Variants in MTREX observed in about 807,000 individuals in gnomAD.
The protein encoded by MTREX is Mtr4 exosome RNA helicase, also known as exosome RNA helicase MTR4.
Under a neutral mutation model 135.4 loss-of-function variants are expected in MTREX, and 76 were observed. The ratio of observed to expected loss-of-function variants is 0.56; its 90% CI spans 0.47 to 0.68. MTREX has a LOEUF of 0.68. MTREX is among the 30% of genes least tolerant of loss of function. MTREX has a pLI of 0.00. For missense variants in MTREX, 920 were observed against 1,262.1 expected (o/e 0.73, Z 4.11); for synonymous variants, 404 against 401.6 (o/e 1.01, Z -0.07).
intron 14 of MTREX, among the ~76,000 whole-genome samples, chr5:55,358,005 T>C: frequency 6.6e-6 from 1 of 152,258 alleles, no homozygotes; most frequent in East Asian, 1.9e-4. Flanking sequence ...CAAGTCAGAA[T>C]TGATACTTGG....
chr5:55,358,093 T>G (rs1749950267), intron 14 of MTREX, among the ~76,000 whole-genome samples: 1 of 152,164 alleles, frequency 6.6e-6, no homozygotes, highest in Non-Finnish European at 1.5e-5. Flanking sequence ...TCCCAGCACT[T>G]TGGGAGGCTG....
chr5:55,375,128 G>A (rs919925621), intron 16 of MTREX, among the ~76,000 whole-genome samples: 5 of 152,210 alleles, frequency 3.3e-5, no homozygotes, highest in Non-Finnish European at 7.3e-5. Flanking sequence ...GAGGCAGGGC[G>A]AGATCACAGG....
At position 55,322,443 on chromosome 5, in the gene MTREX, A is replaced by C; in HGVS notation, c.251A>C (p.Glu84Ala). ...PIFGKKPRIEESITEDLSLAD... is the reference protein window; with the variant it reads ...PIFGKKPRIEASITEDLSLAD... ...TTTGGAAAGAAGCCCAGGATAGAAG[A>C]GTCAATAACTGAAGACTTAAGGTAA... Residue 84 changes from glutamate (E) to alanine (A), a missense_variant, in exon 2 of 27, where the codon GAG becomes GCG. Glu to Ala is a moderately radical substitution (Grantham distance 107, BLOSUM62 -1). Around this residue, in one of 6 missense-constraint regions of MTREX, gnomAD observed 136 missense variants for 126.7 expected, o/e 1.07. Coordinates refer to ENST00000230640, the MANE Select transcript of MTREX (RefSeq NM_015360.5). The C allele has an allele frequency of 1.9e-6, 3 of 1,595,494 alleles. No individual in the cohort carries two copies. The highest frequency in any genetic ancestry group is 2.6e-6 in the Non-Finnish European group (3 of 1,172,690).
Position 55,397,542 on chromosome 5 carries a change from A to G in MTREX, c.2292+16A>G, listed in dbSNP as rs1554034393. The G allele has an allele frequency of 2.0e-6, 3 of 1,484,308 alleles. No individual in the cohort carries two copies. The highest frequency in any genetic ancestry group is 2.8e-6 in the Non-Finnish European group (3 of 1,073,886). 91.9% of individuals were successfully genotyped at this position (1,484,308 alleles called of 1,614,324 possible). On this transcript the variant is annotated intron_variant, in intron 20 of 26. Transcript: ENST00000230640. ...ATCAATACAGGTATGTGTTAATTTC[A>G]TAAGTTAAGTATAAATTTTATGTAA...
chr5:55,412,289 A>G (rs1252618490), intron 23 of MTREX, among the ~76,000 whole-genome samples: 1 of 152,340 alleles, frequency 6.6e-6, no homozygotes, highest in Non-Finnish European at 1.5e-5. Context: ...TTTGCTTGAT[A>G]TAATAACTTC....
At position 55,399,635 on chromosome 5, in the gene MTREX, C is replaced by T. The variant is rs953475618; in HGVS notation, c.2293-598C>T. 3.3e-5 allele frequency among the ~76,000 whole-genome samples: 5 copies of T among 152,026 alleles called. 1 individual carries two copies. The highest frequency in any genetic ancestry group is 2.6e-4 in the Admixed American group (4 of 15,266). ...CCCTAGTAGCTGGGACTACAGGCGCCCACCACCACGCCTGGCTAATTTTTT... is the reference window on the plus strand; with the variant it reads ...CCCTAGTAGCTGGGACTACAGGCGCTCACCACCACGCCTGGCTAATTTTTT... On this transcript the variant is annotated intron_variant, in intron 20 of 26. Coordinates refer to ENST00000230640, the MANE Select transcript of MTREX (RefSeq NM_015360.5).
intron 19 of MTREX, among the ~76,000 whole-genome samples, chr5:55,391,506 A>G (rs1750566937): frequency 1.3e-5 from 2 of 152,186 alleles, no homozygotes; most frequent in South Asian, 2.1e-4. Context: ...TTTATTCCCT[A>G]TAAAAACTAA....
intron 19 of MTREX, among the ~76,000 whole-genome samples, chr5:55,390,670 G>C (rs906447026): frequency 1.1e-4 from 16 of 152,280 alleles, no homozygotes; most frequent in African/African-American, 3.6e-4. Context: ...CTCAGCGTCA[G>C]GGAGTGAAGA....
At chr5:55,415,101 A>C (rs1239743915) in intron 24 of MTREX, among the ~76,000 whole-genome samples, 1 of 152,182 alleles carries the variant, frequency 6.6e-6, no homozygotes, top group Non-Finnish European at 1.5e-5. Context: ...AGACAAGGAA[A>C]GATGAGCTAA....
intron 25 of MTREX, among the ~76,000 whole-genome samples, chr5:55,419,388 T>C (rs1441795971): frequency 6.6e-6 from 1 of 152,244 alleles, no homozygotes; most frequent in Non-Finnish European, 1.5e-5. Flanking sequence ...TGAGGCTAGT[T>C]AACACTGTAA....
chr5:55,414,558 T>C (rs556593860), intron 24 of MTREX, among the ~76,000 whole-genome samples: 1 of 152,348 alleles, frequency 6.6e-6, no homozygotes, highest in South Asian at 2.1e-4. Context: ...TCTTCCTCAG[T>C]ACTGATAATG....
chr5:55,422,651 A>G (rs1214010476), intron 25 of MTREX, among the ~76,000 whole-genome samples: 1 of 152,138 alleles, frequency 6.6e-6, no homozygotes, highest in African/African-American at 2.4e-5. Context: ...CTTAATACCA[A>G]GTGTCAGCAT....
chr5:55,339,843 C>T (rs1251727332), intron 5 of MTREX, among the ~76,000 whole-genome samples, 167 bp from the exon 6 acceptor site: 4 of 152,106 alleles, frequency 2.6e-5, no homozygotes, highest in African/African-American at 4.8e-5. Context: ...CACTCTATTT[C>T]ATATTTATTA....
chr5:55,400,190 T>C (rs1257338579), intron 20 of MTREX, 43 bp from the exon 21 acceptor site: 18 of 1,453,792 alleles, frequency 1.2e-5, no homozygotes, highest in Non-Finnish European at 1.7e-5. Context: ...GTCTTACTAA[T>C]TTTGACTATA....
chr5:55,328,901 G>A, intron 5 of MTREX, 90 bp downstream of exon 5: 2 of 710,966 alleles, frequency 2.8e-6, no homozygotes, highest in Non-Finnish European at 4.7e-6. Context: ...TAGTGAAGAT[G>A]GTTTTACTTG....
Position 55,347,112 on chromosome 5 carries a change from C to T in MTREX, c.1208C>T (p.Ala403Val). 1 of 1,605,642 alleles carries T rather than the reference C, an allele frequency of 6.2e-7. No homozygotes were observed. The highest frequency in any genetic ancestry group is 8.5e-7 in the Non-Finnish European group (1 of 1,175,942). Reference protein sequence around the residue: ...SFSKKDCEAYALQMTKLDFNT... With the variant: ...SFSKKDCEAYVLQMTKLDFNT... ...AGTAAGAAAGATTGTGAAGCCTATG[C>T]ACTTCAAATGACCAAATTAGATTTC... Residue 403 changes from alanine (A) to valine (V), a missense_variant, in exon 11 of 27, where the codon GCA becomes GTA. Coordinates refer to ENST00000230640, the MANE Select transcript of MTREX (RefSeq NM_015360.5).
In MTREX at chr5:55,414,244, GT is replaced by G. The variant is rs201611017; in HGVS notation, c.2808+24del. The stretch of plus-strand genomic sequence containing the variant: ...GACCACTTCGTCAAATGCAGGTAAG[GT>G]TTTTTTTTTTTTTTTTTGAACTACA... On this transcript the variant is annotated splice_region_variant and intron_variant, in intron 24 of 26. Coordinates refer to ENST00000230640, the MANE Select transcript of MTREX (RefSeq NM_015360.5). 0.14 allele frequency: 180,358 copies of G among 1,285,116 alleles called. 464 individuals are homozygous for G. Among genetic ancestry groups the G allele is most frequent in the East Asian group, 0.21 (7,540 of 36,718 alleles). 79.6% of individuals were successfully genotyped at this position (1,285,116 alleles called of 1,614,324 possible).
intron 16 of MTREX, among the ~76,000 whole-genome samples, chr5:55,374,708 A>T (rs1017619701): frequency 1.3e-5 from 2 of 152,162 alleles, no homozygotes; most frequent in African/African-American, 4.8e-5. Context: ...AAAAGAGATA[A>T]TTCCTAAACA....
intron 19 of MTREX, among the ~76,000 whole-genome samples, chr5:55,393,175 A>G (rs1750597455): frequency 6.6e-6 from 1 of 152,198 alleles, no homozygotes; most frequent in South Asian, 2.1e-4. Flanking sequence ...AATTTGCCAC[A>G]AAGCTTGTTA....
Sources: allele counts gnomAD v4.1 joint callset (sites outside exome capture counted in the v4.1 genomes callset), GRCh38; gene constraint gnomAD v4.1.1; regional missense constraint gnomAD v4.1.1; transcripts MANE v1.5; gene names NCBI Gene and HGNC (gene_info 2026-07-23, HGNC 2026-07-21).